Variants in PARPBP observed in about 807,000 individuals in gnomAD.
PARPBP encodes the protein PARP1 binding protein, also known as PCNA-interacting partner.
PARPBP carries 52 observed loss-of-function variants against 50.0 expected under a neutral mutation model. The observed-to-expected ratio is 1.04, with a 90% confidence interval of 0.83 to 1.31. The LOEUF is 1.31. Ranked by LOEUF, PARPBP falls within the 50% of genes most tolerant of loss-of-function variation. The pLI, the probability that PARPBP is intolerant of heterozygous loss-of-function variation, is 0.00. For synonymous variants in PARPBP, 244 were observed against 232.1 expected, an observed-to-expected ratio of 1.05 and a Z score of -0.47; for missense variants, 697 against 672.0, an observed-to-expected ratio of 1.04 and a Z score of -0.41.
chr12:102,179,879 CTG>C (rs1302997465), intron 8 of PARPBP, among the ~76,000 whole-genome samples: 2 of 152,204 alleles, frequency 1.3e-5, no homozygotes, highest in African/African-American at 4.8e-5. Flanking sequence ...ATTTAGTACA[CTG>C]TAGAGAATTT....
At chr12:102,191,815 C>T (rs1890818146) in intron 9 of PARPBP, among the ~76,000 whole-genome samples, 1 of 152,130 alleles carries the variant, frequency 6.6e-6, no homozygotes, top group South Asian at 2.1e-4. Context: ...ATCCATTTCT[C>T]TCATGTGACT....
chr12:102,184,082 A>G (rs1890093022), intron 9 of PARPBP, among the ~76,000 whole-genome samples: 2 of 149,492 alleles, frequency 1.3e-5, no homozygotes, highest in African/African-American at 2.5e-5. Flanking sequence ...AATGTAAGAC[A>G]TGACATAAGG....
chr12:102,169,933 T>C (rs1268038340), intron 6 of PARPBP, among the ~76,000 whole-genome samples: 1 of 152,172 alleles, frequency 6.6e-6, no homozygotes, highest in Admixed American at 6.5e-5. Context: ...AGCTCTTGTA[T>C]CTGAGGAAAA....
intron 1 of PARPBP, among the ~76,000 whole-genome samples, chr12:102,122,753 G>A (rs950467145): frequency 2.0e-5 from 3 of 152,192 alleles, no homozygotes; most frequent in Admixed American, 6.5e-5. Flanking sequence ...AGTTTATGCT[G>A]TTTGTCCACT....
chr12:102,145,614 G>C (rs1439125749), intron 2 of PARPBP, among the ~76,000 whole-genome samples: 1 of 152,146 alleles, frequency 6.6e-6, no homozygotes, highest in Non-Finnish European at 1.5e-5. Context: ...TAAAATATTA[G>C]CATGCAAACA....
chr12:102,132,287 C>A (rs559097409), intron 2 of PARPBP, among the ~76,000 whole-genome samples: 1 of 151,746 alleles, frequency 6.6e-6, no homozygotes, highest in African/African-American at 2.4e-5. Flanking sequence ...GCACATATAC[C>A]CCTGAACTTA....
intron 5 of PARPBP, among the ~76,000 whole-genome samples, chr12:102,165,307 A>C (rs573174626): frequency 8.5e-5 from 13 of 152,158 alleles, no homozygotes; most frequent in Non-Finnish European, 1.5e-4. Context: ...GGAAGTGTTA[A>C]ATTGCCCAAC....
chr12:102,173,319 C>T (rs1374658142), intron 6 of PARPBP, among the ~76,000 whole-genome samples: 1 of 152,174 alleles, frequency 6.6e-6, no homozygotes, highest in African/African-American at 2.4e-5. Context: ...TTTTAGTGTT[C>T]TGCTTAAGAA....
At position 102,124,145 on chromosome 12, in the gene PARPBP, G is replaced by A. The variant is rs905666655; in HGVS notation, c.153+104G>A. On this transcript the variant is annotated intron_variant, in intron 2 of 10. Coordinates refer to ENST00000327680, the MANE Select transcript of PARPBP (RefSeq NM_017915.5). The stretch of plus-strand genomic sequence containing the variant: ...AAGAATATTAATTTCTTTACATTAT[G>A]TGCCCTTCTGTGATAATACACCATT... 1.2e-5 allele frequency: 9 copies of A among 749,758 alleles called. No homozygotes were observed. The Admixed American group carries it at 2.2e-4, about 19-fold the overall frequency. The allele number at this position is 749,758 out of a possible 1,614,324, so 46.4% of individuals were successfully genotyped here. A position where few individuals can be genotyped will look rare whatever the true frequency, so the allele number is the denominator to read the frequency against.
chr12:102,186,888 T>TAAAA (rs1365697312), intron 9 of PARPBP, among the ~76,000 whole-genome samples: 5 of 151,962 alleles, frequency 3.3e-5, no homozygotes, highest in Admixed American at 2.6e-4. Context: ...GGACTTGGTA[T>TAAAA]AAAAAACTGG....
At chr12:102,166,087 A>G (rs1335052677) in intron 6 of PARPBP, among the ~76,000 whole-genome samples, 1 of 152,168 alleles carries the variant, frequency 6.6e-6, no homozygotes, top group Non-Finnish European at 1.5e-5. Context: ...GCCAAAGTCA[A>G]AAGTCACATC....
intron 4 of PARPBP, among the ~76,000 whole-genome samples, chr12:102,157,716 T>A (rs980268705): frequency 6.6e-6 from 1 of 152,188 alleles, no homozygotes; most frequent in Non-Finnish European, 1.5e-5. Context: ...ATCTGTGAGG[T>A]GACACTTTGG....
chr12:102,140,115 G>A (rs993869647), intron 2 of PARPBP, among the ~76,000 whole-genome samples: 1 of 151,448 alleles, frequency 6.6e-6, no homozygotes, highest in East Asian at 1.9e-4. Context: ...TCTGGTCCTG[G>A]AATTTTTTTG....
rs568502285 is a variant in PARPBP, at chr12:102,128,957, A to AT, written c.153+4925dup. ...ATACAAAGGATTCCCTTTTCTTCACATTTTTTTTTAACACTTTTATCTTTT... is the reference window on the plus strand; with the variant it reads ...ATACAAAGGATTCCCTTTTCTTCACATTTTTTTTTTAACACTTTTATCTTTT... On this transcript the variant is annotated intron_variant, in intron 2 of 10. Transcript: ENST00000327680. 3.5e-3 allele frequency among the ~76,000 whole-genome samples: 526 copies of AT among 150,926 alleles called. 1 individual carries two copies. The highest frequency in any genetic ancestry group is 0.016 in the East Asian group (81 of 5,154).
intron 3 of PARPBP, among the ~76,000 whole-genome samples, chr12:102,152,714 T>C (rs961151473): frequency 6.6e-6 from 1 of 151,524 alleles, no homozygotes; most frequent in African/African-American, 2.4e-5. Flanking sequence ...TTGCATAACA[T>C]TGAGATAAAT....
chr12:102,121,137 A>G (rs1448638646), intron 1 of PARPBP, among the ~76,000 whole-genome samples: 3 of 152,188 alleles, frequency 2.0e-5, no homozygotes, highest in East Asian at 3.8e-4. Flanking sequence ...CCACCTAGGA[A>G]CCACGTGTAA....
chr12:102,163,473 T>TA lies in PARPBP; in HGVS notation c.496-963dup, dbSNP rs143381429. On this transcript the variant is annotated intron_variant, in intron 4 of 10. Coordinates refer to ENST00000327680, the MANE Select transcript of PARPBP (RefSeq NM_017915.5). ...TAAATAGCTTATTGGATCTATAAGTTAATGTTTTCTACTAAATTTGGGATG... is the reference window on the plus strand; with the variant it reads ...TAAATAGCTTATTGGATCTATAAGTTAAATGTTTTCTACTAAATTTGGGATG... 6.9e-3 allele frequency among the ~76,000 whole-genome samples: 1,047 copies of TA among 152,324 alleles called. 14 individuals are homozygous for TA. Among genetic ancestry groups the TA allele is most frequent in the African/African-American group, 0.024 (1,003 of 41,574 alleles).
intron 2 of PARPBP, 104 bp downstream of exon 2, chr12:102,124,145 G>T: frequency 1.3e-6 from 1 of 749,876 alleles, no homozygotes; most frequent in Non-Finnish European, 2.2e-6. Context: ...TTTACATTAT[G>T]TGCCCTTCTG....
At chr12:102,148,130 T>C (rs1294379574) in intron 2 of PARPBP, 100 bp from the exon 3 acceptor site, 11 of 543,604 alleles carry the variant, frequency 2.0e-5, no homozygotes, top group Middle Eastern at 8.4e-4. Context: ...GAATGTAGAC[T>C]TTACCAAAAT....
Sources: gnomAD v4.1 joint callset for allele counts (sites outside exome capture counted in the v4.1 genomes callset) on GRCh38, gnomAD v4.1.1 for gene constraint, MANE v1.5 for transcripts, NCBI Gene and HGNC (gene_info 2026-07-23, HGNC 2026-07-21) for gene names.